Variants in OTUD7A observed in about 807,000 individuals in gnomAD.
OTUD7A encodes the protein OTU domain-containing protein 7A.
In OTUD7A, 12 loss-of-function variants were observed where a neutral mutation model predicts 65.7. The observed-to-expected ratio is 0.18, with a 90% CI of 0.12 to 0.30. The LOEUF is 0.30. Among genes scored for constraint, OTUD7A ranks in the 10% least tolerant of loss-of-function variants. The pLI, the probability that OTUD7A is intolerant of heterozygous loss-of-function variation, is 1.00. For missense variants in OTUD7A, 1,148 were observed against 1,304.8 expected, an observed-to-expected ratio of 0.88 and a Z score of 1.85; for synonymous variants, 641 against 586.3, an observed-to-expected ratio of 1.09 and a Z score of -1.35.
chr15:31,610,615 A>ATTTTTTTTTTT (rs1336235314), intron 3 of OTUD7A, among the ~76,000 whole-genome samples: 23 of 32,820 alleles, frequency 7.0e-4, no homozygotes, highest in East Asian at 1.5e-3. Flanking sequence ...ATATATATAT[A>ATTTTTTTTTTT]TATTTTTTTT....
At chr15:31,666,816 T>TGA (rs1182900891) in intron 1 of OTUD7A, among the ~76,000 whole-genome samples, 3 of 152,138 alleles carry the variant, frequency 2.0e-5, no homozygotes, top group Admixed American at 1.3e-4. Context: ...CCCAGAGGTT[T>TGA]GATAGGTTGT....
At chr15:31,546,028 A>G (rs1888120443) in intron 5 of OTUD7A, among the ~76,000 whole-genome samples, 1 of 152,208 alleles carries the variant, frequency 6.6e-6, no homozygotes. Context: ...GGATGAAATG[A>G]TGTAGGCATT....
chr15:31,868,611 G>C (rs777642461), intron 1 of OTUD7A, among the ~76,000 whole-genome samples: 10 of 152,086 alleles, frequency 6.6e-5, no homozygotes, highest in Admixed American at 1.3e-4. Context: ...GCACACCATT[G>C]GGAATAAATG....
chr15:31,829,302 C>T (rs1896873829), intron 1 of OTUD7A, among the ~76,000 whole-genome samples: 1 of 152,194 alleles, frequency 6.6e-6, no homozygotes, highest in Non-Finnish European at 1.5e-5. Flanking sequence ...GGCCTGGCAC[C>T]ATCAACATGG....
At chr15:31,766,196 G>A in intron 1 of OTUD7A, 5 of 1,508,050 alleles carry the variant, frequency 3.3e-6, no homozygotes, top group Middle Eastern at 2.4e-4. Flanking sequence ...GCTCATCAAG[G>A]TCCACTTCTT....
chr15:31,722,512 C>G (rs1269606684), intron 1 of OTUD7A, among the ~76,000 whole-genome samples: 2 of 152,234 alleles, frequency 1.3e-5, no homozygotes, highest in African/African-American at 4.8e-5. Context: ...AGTTTCAATG[C>G]ACAGCCACGT....
At chr15:31,864,331 T>C (rs1220685914) in intron 1 of OTUD7A, among the ~76,000 whole-genome samples, 1 of 152,196 alleles carries the variant, frequency 6.6e-6, no homozygotes, top group Non-Finnish European at 1.5e-5. Context: ...CAATTTACTG[T>C]ATTAGTTTGT....
chr15:31,722,870 A>G (rs938441804), intron 1 of OTUD7A, among the ~76,000 whole-genome samples: 14 of 152,250 alleles, frequency 9.2e-5, no homozygotes, highest in African/African-American at 3.4e-4. Flanking sequence ...CTGGCTGTCA[A>G]AAAGGAAAGT....
At chr15:31,710,857 C>G (rs1239946607) in intron 1 of OTUD7A, among the ~76,000 whole-genome samples, 1 of 152,128 alleles carries the variant, frequency 6.6e-6, no homozygotes, top group African/African-American at 2.4e-5. Context: ...CTGGGGCCCC[C>G]AGGCCACAAA....
At chr15:31,665,247 G>A (rs1892287401) in intron 1 of OTUD7A, among the ~76,000 whole-genome samples, 1 of 152,138 alleles carries the variant, frequency 6.6e-6, no homozygotes, top group Non-Finnish European at 1.5e-5. Flanking sequence ...GATTGCTTTT[G>A]GCAGTATGGT....
At chr15:31,679,663 G>A (rs187834809) in intron 1 of OTUD7A, among the ~76,000 whole-genome samples, 48 of 152,150 alleles carry the variant, frequency 3.2e-4, no homozygotes, top group African/African-American at 9.4e-4. Context: ...TTCACGTTCC[G>A]CCATGATTGT....
intron 1 of OTUD7A, among the ~76,000 whole-genome samples, chr15:31,837,031 T>G (rs1361758646): frequency 6.6e-6 from 1 of 152,060 alleles, no homozygotes; most frequent in Non-Finnish European, 1.5e-5. Context: ...TAATGATTCA[T>G]AAAGAAGAAA....
At chr15:31,532,127 A>C (rs1887643979) in intron 5 of OTUD7A, among the ~76,000 whole-genome samples, 1 of 152,178 alleles carries the variant, frequency 6.6e-6, no homozygotes, top group African/African-American at 2.4e-5. Context: ...CTTTTAAACA[A>C]ACAAAAAAAA....
intron 1 of OTUD7A, among the ~76,000 whole-genome samples, chr15:31,688,726 C>T (rs1214136457): frequency 6.6e-6 from 1 of 152,132 alleles, no homozygotes; most frequent in African/African-American, 2.4e-5. Flanking sequence ...TCAAATGATT[C>T]AGACAAAAAG....
intron 3 of OTUD7A, among the ~76,000 whole-genome samples, chr15:31,611,116 C>T (rs1465990456): frequency 4.6e-5 from 7 of 151,958 alleles, no homozygotes; most frequent in African/African-American, 1.7e-4. Context: ...ATGACAATAA[C>T]GACACAACCT....
chr15:31,830,609 A>G (rs553322498), intron 1 of OTUD7A, among the ~76,000 whole-genome samples: 1 of 152,376 alleles, frequency 6.6e-6, no homozygotes, highest in South Asian at 2.1e-4. Context: ...AGAATGAAAG[A>G]TCTTAATTAA....
At chr15:31,558,694 T>C (rs1888580243) in intron 5 of OTUD7A, 2 of 519,082 alleles carry the variant, frequency 3.9e-6, no homozygotes, top group African/African-American at 3.8e-5. Flanking sequence ...CAAAGAAGCA[T>C]AGAGTTCTCC....
chr15:31,636,641 A>C (rs545020119), intron 3 of OTUD7A, among the ~76,000 whole-genome samples: 1,360 of 90,800 alleles, frequency 0.015, 29 homozygotes, highest in African/African-American at 0.038. Context: ...AAGATGGGCC[A>C]AAAGCTAGGC....
chr15:31,595,344 G>T (rs1230563472), intron 3 of OTUD7A, among the ~76,000 whole-genome samples: 1 of 152,178 alleles, frequency 6.6e-6, no homozygotes, highest in East Asian at 1.9e-4. Context: ...TGCTTGGCTT[G>T]TTTCACTTAC....
Sources: gnomAD v4.1 joint callset for allele counts (sites outside exome capture counted in the v4.1 genomes callset) on GRCh38, gnomAD v4.1.1 for gene constraint, MANE v1.5 for transcripts, NCBI Gene and HGNC (gene_info 2026-07-23, HGNC 2026-07-21) for gene names.